The following IQCE variants were observed in gnomAD, a reference collection of about 807,000 sequenced individuals.
IQCE encodes IQ motif containing E.
Under a neutral mutation model 96.0 loss-of-function variants are expected in IQCE, and 115 were observed. That is an observed-to-expected ratio of 1.20 (90% CI 1.03 to 1.40). IQCE has a LOEUF of 1.40. Ranked by LOEUF, IQCE falls within the 40% of genes most tolerant of loss-of-function variation. The pLI, the probability that IQCE is intolerant of heterozygous loss-of-function variation, is 0.00. For missense variants in IQCE, 1,041 were observed against 909.1 expected, an observed-to-expected ratio of 1.15 and a Z score of -1.87; for synonymous variants, 412 against 371.2, an observed-to-expected ratio of 1.11 and a Z score of -1.26.
chr7:2,585,479 A>G (rs1430289519), intron 11 of IQCE, among the ~76,000 whole-genome samples: 1 of 152,282 alleles, frequency 6.6e-6, no homozygotes, highest in Non-Finnish European at 1.5e-5. Flanking sequence ...TTGCACGCGC[A>G]TAAGCGTCTC....
At chr7:2,577,619 CGT>C (rs1352816110) in intron 6 of IQCE, among the ~76,000 whole-genome samples, 1 of 105,660 alleles carries the variant, frequency 9.5e-6, no homozygotes, top group Non-Finnish European at 1.9e-5. Flanking sequence ...CGCGCGGGGA[CGT>C]GTGTGCGGCG....
rs752824171 is a variant in IQCE at position 2,598,590 on chromosome 7, G to A, written c.1566G>A (p.Ala522=). The change falls in exon 17 of 22, where the codon GCG becomes GCA. Residue 522 remains alanine (A), a synonymous_variant. Transcript: ENST00000402050. ...GCTCTGATGGGAGAAGAGACGCCGC[G>A]GCCAGAGTCCTGCAGGCCCAGTGGA... ...SPCSDGRRDA[A]ARVLQAQWKV... The A allele has an allele frequency of 6.2e-6, 10 of 1,600,956 alleles. No homozygotes were observed. Among genetic ancestry groups the A allele is most frequent in the South Asian group, 1.1e-5 (1 of 89,514 alleles).
chr7:2,584,817 C>A (rs1271737285), intron 11 of IQCE, among the ~76,000 whole-genome samples: 1 of 152,194 alleles, frequency 6.6e-6, no homozygotes, highest in Non-Finnish European at 1.5e-5. Context: ...TTTCCTTTTT[C>A]TTTACCCCTA....
intron 18 of IQCE, among the ~76,000 whole-genome samples, chr7:2,603,989 C>CTT (rs11427354): frequency 2.7e-4 from 34 of 125,916 alleles, no homozygotes; most frequent in Admixed American, 7.8e-4. Context: ...GCTTCCCTGT[C>CTT]TTTTTTTTTT....
chr7:2,607,322 G>T (rs753232189), intron 21 of IQCE, 95 bp downstream of exon 21: 157 of 1,537,500 alleles, frequency 1.0e-4, no homozygotes, highest in Non-Finnish European at 1.3e-4. Context: ...GGGCTGTGTC[G>T]GGACGGAAGG....
intron 5 of IQCE, 126 bp from the exon 6 acceptor site, chr7:2,573,292 G>T (rs2128439112): frequency 3.3e-6 from 2 of 612,062 alleles, no homozygotes; most frequent in Non-Finnish European, 5.8e-6. Flanking sequence ...GAATTATTTT[G>T]GCTTTTTTAT....
chr7:2,582,304 G>C lies in IQCE; in HGVS notation c.631-276G>C, dbSNP rs529486161. ...GCTCTGTCCCCCAGGTGTGCAGTGT[G>C]CTTGGGGGAGGGCTGCCAGTCGGTC... On this transcript the variant is annotated intron_variant, in intron 8 of 21. Coordinates refer to ENST00000402050, the MANE Select transcript of IQCE (RefSeq NM_152558.5). Among the ~76,000 whole-genome samples the C allele has an allele frequency of 1.2e-4, 19 of 152,306 alleles. 1 individual carries two copies. In the South Asian group the frequency reaches 3.9e-3, roughly 32 times the overall value.
chr7:2,604,982 C>T lies in IQCE; in HGVS notation c.1734C>T (p.Leu578=). 6.2e-7 allele frequency: 1 copy of T among 1,611,842 alleles called. No homozygotes were observed. Among genetic ancestry groups the T allele is most frequent in the Non-Finnish European group, 8.5e-7 (1 of 1,178,502 alleles). The change falls in exon 19 of 22, where the codon CTC becomes CTT. Residue 578 remains leucine (L), a synonymous_variant. Coordinates refer to ENST00000402050, the MANE Select transcript of IQCE (RefSeq NM_152558.5). ...HGSEPPSVPG[L]PDQSSPVPRV... is the part of the protein sequence containing the mutation. Reference sequence around the variant, plus strand: ...CAGAGCCACCCAGCGTGCCAGGCCTCCCAGACCAGGTAATGTCGGGGTGCT... The same window carrying T: ...CAGAGCCACCCAGCGTGCCAGGCCTTCCAGACCAGGTAATGTCGGGGTGCT...
intron 16 of IQCE, chr7:2,597,186 G>C (rs1328615742): frequency 2.2e-6 from 1 of 463,780 alleles, no homozygotes; most frequent in Non-Finnish European, 4.5e-6. Flanking sequence ...AAGAATTTCA[G>C]CAGGATCTGG....
At chr7:2,596,773 CT>C (rs984786051) in intron 16 of IQCE, 30 of 347,498 alleles carry the variant, frequency 8.6e-5, no homozygotes, top group African/African-American at 6.2e-4. Context: ...GATGATCTCA[CT>C]TTAGCGGAAC....
At chr7:2,594,251 C>T (rs1214408433) in intron 15 of IQCE, among the ~76,000 whole-genome samples, 1 of 152,140 alleles carries the variant, frequency 6.6e-6, no homozygotes. Flanking sequence ...CAGAGCGAGA[C>T]TCTGTCTCAA....
chr7:2,595,506 G>C (rs1783957361), intron 16 of IQCE, among the ~76,000 whole-genome samples: 1 of 151,772 alleles, frequency 6.6e-6, no homozygotes, highest in African/African-American at 2.4e-5. Flanking sequence ...AGGTGAGCAG[G>C]GACCCTAGAT....
At chr7:2,582,198 CCCTAGGGGCTTCAGGT>C (rs1342198569) in intron 8 of IQCE, 30 of 392,006 alleles carry the variant, frequency 7.7e-5, no homozygotes, top group Middle Eastern at 9.0e-4. Context: ...AACTGGGCGG[CCCTAGGGGCTTCAGGT>C]CTGTGGTTTA....
chr7:2,583,520 C>T, intron 9 of IQCE, 117 bp from the exon 10 acceptor site: 1 of 550,566 alleles, frequency 1.8e-6, no homozygotes, highest in Non-Finnish European at 3.0e-6. Flanking sequence ...TTTTCCCTCC[C>T]ATCCTGGGTC....
chr7:2,576,844 T>C (rs543925009), intron 6 of IQCE, among the ~76,000 whole-genome samples: 1 of 152,142 alleles, frequency 6.6e-6, no homozygotes, highest in African/African-American at 2.4e-5. Flanking sequence ...CTTGGATGAG[T>C]TTTATTGATA....
intron 6 of IQCE, among the ~76,000 whole-genome samples, chr7:2,576,070 C>G (rs773926877): frequency 6.6e-6 from 1 of 152,242 alleles, no homozygotes; most frequent in African/African-American, 2.4e-5. Flanking sequence ...GCTATCATGC[C>G]TCCTGAATCT....
rs1171775352 is a variant in IQCE, at chr7:2,586,092, A to T, written c.825-116A>T. ...TCGATTTCAAATACTCACCTGCAAA[A>T]ACCACTCTGAGCTCACAACCAACAG... On this transcript the variant is annotated intron_variant, in intron 11 of 21. Coordinates refer to ENST00000402050, the MANE Select transcript of IQCE (RefSeq NM_152558.5). 1.1e-5 allele frequency: 11 copies of T among 980,264 alleles called. No homozygotes were observed. In the Admixed American group the frequency reaches 1.2e-4, roughly 11 times the overall value. The allele number at this position is 980,264 out of a possible 1,614,324, so 60.7% of individuals were successfully genotyped here. A position where few individuals can be genotyped will look rare whatever the true frequency, so the allele number is the denominator to read the frequency against.
chr7:2,590,230 C>CGAGG lies in IQCE; in HGVS notation c.1244+124_1244+125insGAGG. 4 of 804,772 alleles carry CGAGG rather than the reference C, an allele frequency of 5.0e-6. 1 individual carries two copies. In the South Asian group the frequency reaches 7.3e-5, roughly 15 times the overall value. The allele number at this position is 804,772 out of a possible 1,614,324, so 49.9% of individuals were successfully genotyped here. ...GTGCTGCAGAGAGAGTAGGTCCTCC[C>CGAGG]CAGGCCCCGCCAGTGTCCCCACAGG... is the stretch of plus-strand genomic sequence containing the variant. On this transcript the variant is annotated intron_variant, in intron 14 of 21. Transcript: ENST00000402050.
chr7:2,565,201 T>C (rs1781280114), intron 1 of IQCE, among the ~76,000 whole-genome samples: 1 of 150,308 alleles, frequency 6.7e-6, no homozygotes, highest in Non-Finnish European at 1.5e-5. Context: ...ATCCTTGGAC[T>C]GTTGTGTGAT....
Sources: allele counts gnomAD v4.1 joint callset (sites outside exome capture counted in the v4.1 genomes callset), GRCh38; gene constraint gnomAD v4.1.1; transcripts MANE v1.5; gene names NCBI Gene and HGNC (gene_info 2026-07-23, HGNC 2026-07-21).